GRB10: variants seen among roughly 807,000 people sequenced by gnomAD.
GRB10 encodes growth factor receptor-bound protein 10.
GRB10 carries 20 observed loss-of-function variants against 80.9 expected under a neutral mutation model. That is an observed-to-expected ratio of 0.25 (90% CI 0.17 to 0.36). The LOEUF is 0.36. Ranked by LOEUF, GRB10 falls within the 10% of genes least tolerant of loss-of-function variation. The pLI is 1.00. For missense variants in GRB10, 548 were observed against 747.7 expected (o/e 0.73, Z 3.12); for synonymous variants, 291 against 291.5 (o/e 1.00, Z 0.02).
chr7:50,674,565 G>T lies in GRB10; in HGVS notation c.233C>A (p.Pro78His). 1 of 1,612,786 alleles carries T rather than the reference G, an allele frequency of 6.2e-7. No individual in the cohort carries two copies. Among genetic ancestry groups the T allele is most frequent in the Non-Finnish European group, 8.5e-7 (1 of 1,180,030 alleles). The change falls in exon 6 of 19, where the codon CCC becomes CAC. Residue 78 changes from proline (P) to histidine (H), a missense_variant. Physicochemically the swap from Pro to His is moderately conservative, Grantham distance 77. This residue lies in a region of GRB10 where 245 missense variants were observed against 229.3 expected (regional missense o/e 1.07). Transcript: ENST00000401949. ...GGCATGCTGGCCATTCTGCAGGAGG[G>T]GCACCGTGTCTGACTGCATGCTGCA... Reference protein sequence around the residue: ...SACSMQSDTVPLLQNGQHARS... With the variant: ...SACSMQSDTVHLLQNGQHARS...
chr7:50,692,690 T>C (rs2062969195), intron 5 of GRB10, among the ~76,000 whole-genome samples: 1 of 152,186 alleles, frequency 6.6e-6, no homozygotes. Context: ...TAGTAGAACC[T>C]TGTGGTATAT....
At chr7:50,751,392 C>T (rs1397126878) in intron 3 of GRB10, among the ~76,000 whole-genome samples, 1 of 152,220 alleles carries the variant, frequency 6.6e-6, no homozygotes, top group Non-Finnish European at 1.5e-5. Context: ...AATGAGCCAA[C>T]TGTGATGCAT....
At chr7:50,640,439 T>C (rs1481486941) in intron 7 of GRB10, among the ~76,000 whole-genome samples, 1 of 152,200 alleles carries the variant, frequency 6.6e-6, no homozygotes, top group Non-Finnish European at 1.5e-5. Context: ...GGAGACACCA[T>C]GACACCACAT....
At chr7:50,622,385 G>C (rs2051946157) in intron 8 of GRB10, among the ~76,000 whole-genome samples, 1 of 152,174 alleles carries the variant, frequency 6.6e-6, no homozygotes, top group African/African-American at 2.4e-5. Context: ...CCAACAGCGT[G>C]GCAGCCACAG....
At chr7:50,721,666 G>A (rs1211243846) in intron 4 of GRB10, among the ~76,000 whole-genome samples, 5 of 152,180 alleles carry the variant, frequency 3.3e-5, no homozygotes, top group Admixed American at 2.0e-4. Context: ...GGCTGGGGAC[G>A]GGGTCTCACC....
In GRB10 at chr7:50,596,954, T is replaced by C. The variant is rs143498434; in HGVS notation, c.1545-1424A>G. ...CATCAGAAAGCGAAGAAAGATCCAA[T>C]GAAAGCTACAAAGAAGAAATGGCCT... On this transcript the variant is annotated intron_variant, in intron 17 of 18. Transcript: ENST00000401949. Among the ~76,000 whole-genome samples, 374 of 152,190 alleles carry C rather than the reference T, an allele frequency of 2.5e-3. 6 individuals are homozygous for C. The highest frequency in any genetic ancestry group is 8.1e-3 in the East Asian group (42 of 5,188).
intron 2 of GRB10, among the ~76,000 whole-genome samples, chr7:50,759,412 A>G (rs1425042564): frequency 6.6e-6 from 1 of 152,094 alleles, no homozygotes; most frequent in East Asian, 1.9e-4. Context: ...CCTATGGCGG[A>G]TCGGTTCCAG....
intron 1 of GRB10, 109 bp from the exon 2 acceptor site, chr7:50,780,845 T>C (rs1016674342): frequency 2.6e-5 from 4 of 152,086 alleles, no homozygotes; most frequent in African/African-American, 4.8e-5. Context: ...GGAACACAAG[T>C]GTCAGTGAAT....
rs540465605 is a variant in GRB10, at chr7:50,613,613, C to G, written c.1096-774G>C. Among the ~76,000 whole-genome samples the G allele has an allele frequency of 3.3e-5, 5 of 152,302 alleles. No homozygotes were observed. In the South Asian group the frequency reaches 1.0e-3, roughly 32 times the overall value. On this transcript the variant is annotated intron_variant, in intron 12 of 18. Transcript: ENST00000401949. Reference sequence around the variant, plus strand: ...GGGGTTGAGGGACAGGTGTGACTACCCTGCGCTCGGCTGGTGCTATGAGAG... The same window carrying G: ...GGGGTTGAGGGACAGGTGTGACTACGCTGCGCTCGGCTGGTGCTATGAGAG...
chr7:50,768,541 C>T (rs948592045), intron 2 of GRB10, among the ~76,000 whole-genome samples: 1 of 152,208 alleles, frequency 6.6e-6, no homozygotes, highest in African/African-American at 2.4e-5. Context: ...TACACACTTA[C>T]CATGTCATCA....
chr7:50,792,538 C>T, intron 1 of GRB10: 1 of 398,612 alleles, frequency 2.5e-6, no homozygotes, highest in South Asian at 1.3e-4. Context: ...AAATTTCCTT[C>T]TGCAAACGGT....
chr7:50,680,826 C>T (rs1045190943), intron 5 of GRB10, among the ~76,000 whole-genome samples: 4 of 152,094 alleles, frequency 2.6e-5, no homozygotes, highest in Non-Finnish European at 4.4e-5. Flanking sequence ...AAGACAAATG[C>T]AGGCTAGTGT....
At chr7:50,693,980 G>C (rs1156674750) in intron 5 of GRB10, among the ~76,000 whole-genome samples, 1 of 151,904 alleles carries the variant, frequency 6.6e-6, no homozygotes, top group Non-Finnish European at 1.5e-5. Context: ...AAAAAAGCTG[G>C]GCAGAGACTC....
intron 4 of GRB10, among the ~76,000 whole-genome samples, chr7:50,728,976 T>C (rs1212285776): frequency 1.3e-5 from 2 of 152,144 alleles, no homozygotes; most frequent in South Asian, 2.1e-4. Flanking sequence ...CAGCCTCCAA[T>C]AAAACTTTAT....
At chr7:50,671,146 C>A (rs953660386) in intron 6 of GRB10, among the ~76,000 whole-genome samples, 4 of 152,226 alleles carry the variant, frequency 2.6e-5, no homozygotes, top group African/African-American at 9.6e-5. Context: ...CAGCCTCCTC[C>A]ACCCTTCCTG....
At chr7:50,627,251 G>T (rs951308318) in intron 7 of GRB10, among the ~76,000 whole-genome samples, 1 of 152,072 alleles carries the variant, frequency 6.6e-6, no homozygotes, top group Non-Finnish European at 1.5e-5. Context: ...TACAGCACAC[G>T]GCTAAACCAC....
At chr7:50,638,471 C>T (rs2055495255) in intron 7 of GRB10, among the ~76,000 whole-genome samples, 1 of 152,024 alleles carries the variant, frequency 6.6e-6, no homozygotes, top group Admixed American at 6.5e-5. Flanking sequence ...ATACAAGCGG[C>T]CAATAAACAC....
chr7:50,629,576 G>C (rs1213928685), intron 7 of GRB10, among the ~76,000 whole-genome samples: 2 of 152,072 alleles, frequency 1.3e-5, no homozygotes, highest in East Asian at 1.9e-4. Flanking sequence ...CACACACAAA[G>C]CTAAGACCCA....
chr7:50,617,967 GA>G (rs1444159118), intron 10 of GRB10, 103 bp downstream of exon 10: 44 of 984,568 alleles, frequency 4.5e-5, no homozygotes, highest in East Asian at 7.2e-5. Flanking sequence ...TATAAATGGT[GA>G]AAGATGCGAT....
Sources: allele counts gnomAD v4.1 joint callset (sites outside exome capture counted in the v4.1 genomes callset), GRCh38; gene constraint gnomAD v4.1.1; regional missense constraint gnomAD v4.1.1; transcripts MANE v1.5; gene names NCBI Gene and HGNC (gene_info 2026-07-23, HGNC 2026-07-21).